The following MTMR8 variants were observed in gnomAD, a reference collection of about 807,000 sequenced individuals.
MTMR8 encodes myotubularin related protein 8.
Under a neutral mutation model 39.3 loss-of-function variants are expected in MTMR8, and 65 were observed. The observed-to-expected ratio is 1.65, with a 90% confidence interval of 1.35 to 2.03. The LOEUF (loss-of-function observed/expected upper bound fraction) is 2.03. Ranked by LOEUF, MTMR8 falls within the 30% of genes most tolerant of loss-of-function variation. The pLI is 0.00. For synonymous variants in MTMR8, 245 were observed against 185.2 expected, an observed-to-expected ratio of 1.32 and a Z score of -2.62; for missense variants, 777 against 538.9, an observed-to-expected ratio of 1.44 and a Z score of -4.37.
At chrX:64,352,272 C>T (rs1446251968) in intron 4 of MTMR8, among the ~76,000 whole-genome samples, 2 of 111,606 alleles carry the variant, frequency 1.8e-5, no homozygotes, top group Non-Finnish European at 3.8e-5. Context: ...CGTCACTCTG[C>T]TGAGAGAGGA....
intron 12 of MTMR8, among the ~76,000 whole-genome samples, chrX:64,320,702 A>G (rs890663863): frequency 4.5e-5 from 5 of 110,956 alleles, no homozygotes; most frequent in South Asian, 3.8e-4. Flanking sequence ...AAGCTCCTGC[A>G]AATATCAGGG....
intron 1 of MTMR8, among the ~76,000 whole-genome samples, chrX:64,377,032 C>T (rs1410040303): frequency 1.8e-5 from 2 of 112,229 alleles, no homozygotes; most frequent in Non-Finnish European, 3.8e-5. Context: ...TTGGCAGCTT[C>T]CACATGGTGT....
At chrX:64,358,645 T>C (rs1174851020) in intron 2 of MTMR8, among the ~76,000 whole-genome samples, 1 of 111,383 alleles carries the variant, frequency 9.0e-6, no homozygotes, top group Non-Finnish European at 1.9e-5. Context: ...CTTTAATCAC[T>C]AAGCTATGCG....
At chrX:64,317,145 C>T (rs1602127841) in intron 12 of MTMR8, among the ~76,000 whole-genome samples, 1 of 107,213 alleles carries the variant, frequency 9.3e-6, no homozygotes, top group African/African-American at 3.4e-5. Flanking sequence ...TTTTAGTTTT[C>T]ACAAATTTTG....
At chrX:64,282,967 T>G (rs896578473) in intron 12 of MTMR8, among the ~76,000 whole-genome samples, 2 of 111,663 alleles carry the variant, frequency 1.8e-5, no homozygotes, top group African/African-American at 3.3e-5. Context: ...TAGGGCTTGT[T>G]GGACAGTGGG....
intron 1 of MTMR8, among the ~76,000 whole-genome samples, chrX:64,377,925 A>G (rs187651845): frequency 8.9e-6 from 1 of 111,742 alleles, no homozygotes; most frequent in East Asian, 2.8e-4. Context: ...TGTTCTCATG[A>G]CAGTGAATTA....
At chrX:64,386,879 A>C (rs12843761) in intron 1 of MTMR8, among the ~76,000 whole-genome samples, 7 of 107,646 alleles carry the variant, frequency 6.5e-5, no homozygotes, top group African/African-American at 2.4e-4. Context: ...CCTCATATCT[A>C]CAAAAAAAAA....
intron 12 of MTMR8, among the ~76,000 whole-genome samples, chrX:64,296,440 A>G (rs1416116719): frequency 2.7e-5 from 3 of 110,817 alleles, no homozygotes; most frequent in Non-Finnish European, 5.7e-5. Context: ...TACACTTAAA[A>G]TGGTTAAAAT....
At chrX:64,367,444 G>T (rs759122012) in intron 1 of MTMR8, among the ~76,000 whole-genome samples, 1 of 111,907 alleles carries the variant, frequency 8.9e-6, no homozygotes, top group East Asian at 2.8e-4. Context: ...GGGATGCAAG[G>T]CTGGTTCAAC....
At position 64,355,651 on chromosome X, in the gene MTMR8, A is replaced by C. The variant is rs563631281; in HGVS notation, c.310+525T>G. Among the ~76,000 whole-genome samples the C allele has an allele frequency of 2.9e-4, 32 of 110,825 alleles. No individual in the cohort carries two copies. In the South Asian group the frequency reaches 9.4e-3, roughly 33 times the overall value. On this transcript the variant is annotated intron_variant, in intron 3 of 13. Transcript: ENST00000374852. ...TAAAATCAAAGACTAAAATCAGAGG[A>C]AGCTGGTTAATTGCCTAGGGGTGGG...
intron 1 of MTMR8, among the ~76,000 whole-genome samples, chrX:64,375,708 C>T (rs1924251544): frequency 9.0e-6 from 1 of 111,663 alleles, no homozygotes; most frequent in African/African-American, 3.3e-5. Flanking sequence ...GTCTATGAAC[C>T]AGGAAGTAGG....
At chrX:64,348,175 A>G (rs1923390948) in intron 6 of MTMR8, among the ~76,000 whole-genome samples, 2 of 111,479 alleles carry the variant, frequency 1.8e-5, no homozygotes, top group African/African-American at 6.5e-5. Context: ...TTTTTTGTTA[A>G]TTGCATAGCA....
intron 12 of MTMR8, among the ~76,000 whole-genome samples, chrX:64,325,050 T>C (rs1243636101): frequency 1.8e-5 from 2 of 110,927 alleles, no homozygotes; most frequent in African/African-American, 6.6e-5. Context: ...AAAACCCAGA[T>C]AACCTATAAA....
intron 12 of MTMR8, among the ~76,000 whole-genome samples, chrX:64,290,226 A>T (rs747267857): frequency 4.7e-4 from 52 of 110,377 alleles, no homozygotes; most frequent in African/African-American, 1.5e-3. Flanking sequence ...AAATGGTCAA[A>T]AAGGTAAATT....
intron 2 of MTMR8, among the ~76,000 whole-genome samples, chrX:64,356,890 C>A (rs920043658): frequency 9.1e-6 from 1 of 110,494 alleles, no homozygotes; most frequent in Non-Finnish European, 1.9e-5. Context: ...CAAGAAGTGG[C>A]ACAAACAGAA....
At chrX:64,380,613 C>CT (rs757696688) in intron 1 of MTMR8, among the ~76,000 whole-genome samples, 2 of 112,441 alleles carry the variant, frequency 1.8e-5, no homozygotes, top group Non-Finnish European at 3.8e-5. Flanking sequence ...TCATATTATA[C>CT]TTTAAGTTTT....
At chrX:64,295,755 T>C in intron 12 of MTMR8, among the ~76,000 whole-genome samples, 1 of 111,274 alleles carries the variant, frequency 9.0e-6, no homozygotes, top group Non-Finnish European at 1.9e-5. Flanking sequence ...AACCACGAGA[T>C]ACTACTTCAT....
chrX:64,294,835 C>T (rs1157106206), intron 12 of MTMR8, among the ~76,000 whole-genome samples: 1 of 111,549 alleles, frequency 9.0e-6, no homozygotes, highest in African/African-American at 3.3e-5. Flanking sequence ...GCCTTATCTC[C>T]TAATACCATC....
intron 12 of MTMR8, among the ~76,000 whole-genome samples, chrX:64,284,240 T>A (rs1921067312): frequency 9.0e-6 from 1 of 111,441 alleles, no homozygotes; most frequent in Non-Finnish European, 1.9e-5. Context: ...GAAGACCACA[T>A]GAATGAAATG....
Sources: gnomAD v4.1 joint callset for allele counts (sites outside exome capture counted in the v4.1 genomes callset) on GRCh38, gnomAD v4.1.1 for gene constraint, MANE v1.5 for transcripts, NCBI Gene and HGNC (gene_info 2026-07-23, HGNC 2026-07-21) for gene names.